The following NAV2 variants were observed in gnomAD, a reference collection of about 807,000 sequenced individuals.
NAV2 encodes the protein helicase, APC down-regulated 1.
In NAV2, 54 loss-of-function variants were observed where a neutral mutation model predicts 223.2. That is an observed-to-expected ratio of 0.24 (90% CI 0.19 to 0.30). NAV2 has a LOEUF of 0.30. Ranked by LOEUF, NAV2 falls within the 10% of genes least tolerant of loss-of-function variation. The pLI is 1.00. For missense variants in NAV2, 2,806 were observed against 3,147.5 expected (o/e 0.89, Z 2.60); for synonymous variants, 1,279 against 1,239.3 (o/e 1.03, Z -0.67).
At chr11:19,394,215 A>G (rs939812219) in intron 1 of NAV2, among the ~76,000 whole-genome samples, 2 of 152,050 alleles carry the variant, frequency 1.3e-5, no homozygotes, top group Non-Finnish European at 2.9e-5. Context: ...GTGTCTCATG[A>G]TTTTACTGTT....
At chr11:19,726,886 TC>T (rs1190150272) in intron 1 of NAV2, among the ~76,000 whole-genome samples, 1 of 152,140 alleles carries the variant, frequency 6.6e-6, no homozygotes, top group African/African-American at 2.4e-5. Flanking sequence ...AGAAGAAGAA[TC>T]TAAGAGAAAC....
chr11:19,352,107 T>A (rs1441609466), intron 1 of NAV2, among the ~76,000 whole-genome samples: 1 of 152,100 alleles, frequency 6.6e-6, no homozygotes, highest in Non-Finnish European at 1.5e-5. Context: ...TAACAAAAAA[T>A]TCAATTTCTG....
intron 1 of NAV2, among the ~76,000 whole-genome samples, chr11:19,647,351 G>C (rs1317134286): frequency 6.6e-6 from 1 of 152,098 alleles, no homozygotes; most frequent in Admixed American, 6.6e-5. Flanking sequence ...GCTGCTCTTT[G>C]CTTCCCAAAA....
chr11:19,804,372 G>A (rs2058432728), intron 1 of NAV2, among the ~76,000 whole-genome samples: 1 of 152,156 alleles, frequency 6.6e-6, no homozygotes, highest in Admixed American at 6.5e-5. Flanking sequence ...AGTCTTGCAA[G>A]GTATCTAAGT....
intron 1 of NAV2, among the ~76,000 whole-genome samples, chr11:19,736,660 T>G (rs559753081): frequency 4.0e-4 from 61 of 152,338 alleles, no homozygotes; most frequent in African/African-American, 1.3e-3. Flanking sequence ...ATTTGGCCAG[T>G]GTCATCCACC....
At chr11:19,544,192 A>C (rs1473680368) in intron 1 of NAV2, among the ~76,000 whole-genome samples, 1 of 152,230 alleles carries the variant, frequency 6.6e-6, no homozygotes, top group Non-Finnish European at 1.5e-5. Flanking sequence ...GGCAGAGTTG[A>C]TTTCCATCAA....
chr11:19,743,066 G>C (rs1393758241), intron 1 of NAV2, among the ~76,000 whole-genome samples: 2 of 152,254 alleles, frequency 1.3e-5, no homozygotes, highest in African/African-American at 4.8e-5. Flanking sequence ...AGAGCACTGT[G>C]AGAGTTGTGT....
chr11:20,081,194 C>CCAGT (rs1307771829), intron 25 of NAV2, among the ~76,000 whole-genome samples: 1 of 152,130 alleles, frequency 6.6e-6, no homozygotes, highest in Non-Finnish European at 1.5e-5. Context: ...AGCTAAAAAG[C>CCAGT]CAGTCTAGTG....
intron 3 of NAV2, among the ~76,000 whole-genome samples, chr11:19,859,846 G>T (rs1439375400): frequency 1.4e-5 from 2 of 145,394 alleles, no homozygotes; most frequent in African/African-American, 5.1e-5. Context: ...CCTCCCGGAC[G>T]GGGCGGCTGG....
intron 11 of NAV2, among the ~76,000 whole-genome samples, chr11:20,002,125 G>C (rs1226338739): frequency 6.6e-6 from 1 of 152,110 alleles, no homozygotes; most frequent in African/African-American, 2.4e-5. Context: ...TAGCTCTCTG[G>C]GATCCTTTTT....
At chr11:20,042,745 G>A (rs1418890503) in intron 12 of NAV2, among the ~76,000 whole-genome samples, 2 of 151,984 alleles carry the variant, frequency 1.3e-5, no homozygotes, top group South Asian at 2.1e-4. Context: ...GCCTACTCTC[G>A]GTAGTTAAGC....
rs374891415 is a variant in NAV2 at position 19,892,552 on chromosome 11, C to A, written c.889C>A (p.Pro297Thr). 1 of 1,614,064 alleles carries A rather than the reference C, an allele frequency of 6.2e-7. No individual in the cohort carries two copies. Among genetic ancestry groups the A allele is most frequent in the Admixed American group, 1.7e-5 (1 of 60,016 alleles). Residue 297 changes from proline to threonine, a missense_variant, in exon 6 of 38, where the codon CCA becomes ACA. Coordinates refer to ENST00000349880, the MANE Select transcript of NAV2 (RefSeq NM_145117.5). ...QSFNNYDKSK[P>T]VTSPPPPPSS... ...CTTTAACAACTATGATAAATCCAAA[C>A]CAGTCACCTCCCCACCCCCACCGCC...
intron 3 of NAV2, among the ~76,000 whole-genome samples, chr11:19,863,538 C>G (rs1292163735): frequency 6.6e-6 from 1 of 152,116 alleles, no homozygotes; most frequent in Non-Finnish European, 1.5e-5. Context: ...GTGCTGCACC[C>G]TATCCTAGGT....
At chr11:20,117,207 AAGT>A (rs1269942235) in intron 37 of NAV2, among the ~76,000 whole-genome samples, 1 of 149,026 alleles carries the variant, frequency 6.7e-6, no homozygotes, top group African/African-American at 2.5e-5. Context: ...TTATAAATAA[AAGT>A]AGTTTTTATT....
chr11:19,480,782 T>A (rs2042253783), intron 1 of NAV2, among the ~76,000 whole-genome samples: 1 of 152,234 alleles, frequency 6.6e-6, no homozygotes. Flanking sequence ...ATTGTGGCAT[T>A]TCTTCCCCAT....
chr11:19,548,415 G>A (rs982292601), intron 1 of NAV2, among the ~76,000 whole-genome samples: 6 of 152,076 alleles, frequency 3.9e-5, no homozygotes, highest in African/African-American at 1.5e-4. Context: ...CCTCCATTTC[G>A]CAGATGCAGT....
At chr11:20,025,843 A>G (rs576727703) in intron 11 of NAV2, among the ~76,000 whole-genome samples, 3 of 152,312 alleles carry the variant, frequency 2.0e-5, no homozygotes, top group Admixed American at 6.5e-5. Context: ...GAACTTAATC[A>G]TCTGTTTGAG....
intron 1 of NAV2, among the ~76,000 whole-genome samples, chr11:19,814,839 T>C (rs1274361078): frequency 6.6e-6 from 1 of 152,124 alleles, no homozygotes; most frequent in African/African-American, 2.4e-5. Flanking sequence ...CTATTCTTCT[T>C]GTAAAAATGC....
At chr11:19,828,095 A>G (rs771374158) in intron 1 of NAV2, among the ~76,000 whole-genome samples, 5 of 152,210 alleles carry the variant, frequency 3.3e-5, no homozygotes, top group Non-Finnish European at 7.3e-5. Flanking sequence ...TCGAAGCTGC[A>G]GTGAGCTTTG....
Sources: allele counts gnomAD v4.1 joint callset (sites outside exome capture counted in the v4.1 genomes callset), GRCh38; gene constraint gnomAD v4.1.1; transcripts MANE v1.5; gene names NCBI Gene and HGNC (gene_info 2026-07-23, HGNC 2026-07-21).